Variants in IL7 observed in about 807,000 individuals in gnomAD.
The protein encoded by IL7 is interleukin-7.
A neutral mutation model predicts 21.6 loss-of-function variants in IL7; 3 were observed. That is an observed-to-expected ratio of 0.14 (90% CI 0.06 to 0.36). IL7 has a LOEUF of 0.36. IL7 is among the 10% of genes least tolerant of loss of function. The pLI, the probability that IL7 is intolerant of heterozygous loss-of-function variation, is 1.00. For missense variants in IL7, 175 were observed against 200.2 expected (o/e 0.87, Z 0.76); for synonymous variants, 62 against 68.1 (o/e 0.91, Z 0.44).
At chr8:78,688,014 C>A (rs1212464464) in intron 3 of IL7, among the ~76,000 whole-genome samples, 1 of 147,438 alleles carries the variant, frequency 6.8e-6, no homozygotes, top group Non-Finnish European at 1.5e-5. Flanking sequence ...ATGAGCATGG[C>A]TGTGTTTCCG....
intron 2 of IL7, among the ~76,000 whole-genome samples, chr8:78,769,522 A>G (rs1010404992): frequency 2.5e-4 from 38 of 152,348 alleles, no homozygotes; most frequent in Admixed American, 2.6e-4. Context: ...TCACTGCTCA[A>G]TGAAATAAAA....
In IL7 at chr8:78,684,798, T is replaced by A. The variant is rs568982761; in HGVS notation, n.273+1091A>T. Among the ~76,000 whole-genome samples, 8 of 152,308 alleles carry A rather than the reference T, an allele frequency of 5.3e-5. No homozygotes were observed. In the East Asian group the frequency reaches 1.5e-3, roughly 29 times the overall value. ...ATGAAATATTTAGGAATAAGCTTTA[T>A]AATAAAGATACAAGACTTCCACAAA... On this transcript the variant is annotated intron_variant and non_coding_transcript_variant, in intron 4 of 4. Coordinates refer to the IL7 transcript ENST00000523959.
intron 2 of IL7, among the ~76,000 whole-genome samples, chr8:78,783,609 G>A (rs1002791045): frequency 6.6e-6 from 1 of 151,956 alleles, no homozygotes; most frequent in African/African-American, 2.4e-5. Flanking sequence ...TACAAGCAGC[G>A]ATCTAATTAC....
At chr8:78,783,921 C>G (rs2130814140) in intron 2 of IL7, among the ~76,000 whole-genome samples, 1 of 152,124 alleles carries the variant, frequency 6.6e-6, no homozygotes, top group East Asian at 1.9e-4. Context: ...CTCTAAACAC[C>G]ACCTGGTTAA....
In IL7 at chr8:78,706,717, C is replaced by A. The variant is rs374076136; in HGVS notation, n.214+14631G>T. ...TACTCACCCCTTTTCCTGTTATTTT[C>A]AAGTGTAAGTTATATGTGGCTCACA... On this transcript the variant is annotated intron_variant and non_coding_transcript_variant, in intron 3 of 4. Coordinates refer to the IL7 transcript ENST00000523959. Among the ~76,000 whole-genome samples the A allele has an allele frequency of 4.6e-5, 7 of 152,228 alleles. No individual in the cohort carries two copies. In the East Asian group the frequency reaches 7.7e-4, roughly 17 times the overall value.
intron 2 of IL7, among the ~76,000 whole-genome samples, chr8:78,756,572 C>A (rs1812355512): frequency 6.6e-6 from 1 of 151,788 alleles, no homozygotes; most frequent in South Asian, 2.1e-4. Context: ...GGAATTGATT[C>A]ATTTCCGCTA....
chr8:78,739,903 A>G (rs1811722112), intron 3 of IL7, 99 bp downstream of exon 3: 1 of 1,065,018 alleles, frequency 9.4e-7, no homozygotes. Flanking sequence ...CAGGCTGCAA[A>G]TATTAATAGT....
chr8:78,689,517 G>A, intron 3 of IL7: 4 of 722,836 alleles, frequency 5.5e-6, no homozygotes, highest in East Asian at 3.4e-5. Flanking sequence ...TATAAAAGTT[G>A]TATGCTTTTA....
At position 78,780,384 on chromosome 8, in the gene IL7, C is replaced by T. The variant is rs1033352957; in HGVS notation, c.147+17688G>A. On this transcript the variant is annotated intron_variant, in intron 2 of 5. Transcript: ENST00000263851. ...TGGACATTTAGTTTTATAAATTTCT[C>T]GCTTAACACTGCTGTAGCTGCATTC... Among the ~76,000 whole-genome samples the T allele has an allele frequency of 7.9e-5, 12 of 152,106 alleles. No individual in the cohort carries two copies. The East Asian group carries it at 9.6e-4, about 12-fold the overall frequency.
intron 2 of IL7, among the ~76,000 whole-genome samples, chr8:78,775,613 C>A (rs1249765710): frequency 6.6e-6 from 1 of 152,096 alleles, no homozygotes; most frequent in Non-Finnish European, 1.5e-5. Flanking sequence ...GCCAAAGGGG[C>A]AAAGTGGGGA....
chr8:78,728,961 CTTCAAAG>C (rs1214378293), downstream of IL7, among the ~76,000 whole-genome samples: 3 of 152,014 alleles, frequency 2.0e-5, no homozygotes, highest in African/African-American at 7.2e-5. Flanking sequence ...ATAGACTATA[CTTCAAAG>C]TCTAACATTT....
chr8:78,715,981 A>C (rs1471855207), downstream of IL7, among the ~76,000 whole-genome samples: 5 of 141,560 alleles, frequency 3.5e-5, no homozygotes, highest in African/African-American at 1.3e-4. Flanking sequence ...CAGAGGTTGG[A>C]GTGAGCTGAG....
intron 2 of IL7, among the ~76,000 whole-genome samples, chr8:78,752,837 G>A (rs1213710340): frequency 5.9e-5 from 9 of 152,044 alleles, no homozygotes; most frequent in South Asian, 2.1e-4. Context: ...GAGTGAGAAC[G>A]TGCGGTCTTT....
At chr8:78,800,295 T>C (rs1814008930) in intron 1 of IL7, among the ~76,000 whole-genome samples, 2 of 152,134 alleles carry the variant, frequency 1.3e-5, no homozygotes, top group African/African-American at 4.8e-5. Flanking sequence ...CCACATTTTC[T>C]TTTTTTCTCC....
At chr8:78,727,500 T>A (rs1811358788) in intron 3 of IL7, among the ~76,000 whole-genome samples, 1 of 152,044 alleles carries the variant, frequency 6.6e-6, no homozygotes. Context: ...CAATAACAAG[T>A]ATTTGTTTAC....
chr8:78,693,211 T>G (rs555073318), intron 3 of IL7, among the ~76,000 whole-genome samples: 2 of 152,172 alleles, frequency 1.3e-5, no homozygotes, highest in African/African-American at 4.8e-5. Flanking sequence ...TGTGTCTTTA[T>G]AGCAGCATGA....
intron 3 of IL7, among the ~76,000 whole-genome samples, chr8:78,702,995 C>T (rs1241510446): frequency 1.3e-5 from 2 of 152,102 alleles, no homozygotes; most frequent in African/African-American, 4.8e-5. Flanking sequence ...CTCCTGGGTT[C>T]AAGCGATTCT....
At chr8:78,725,542 A>T (rs1811325423) in intron 3 of IL7, among the ~76,000 whole-genome samples, 1 of 152,012 alleles carries the variant, frequency 6.6e-6, no homozygotes, top group African/African-American at 2.4e-5. Context: ...TTAGACTCGG[A>T]TCTGCTGTTT....
At chr8:78,716,023 G>A (rs1295994885), downstream of IL7, among the ~76,000 whole-genome samples, 1 of 137,608 alleles carries the variant, frequency 7.3e-6, no homozygotes, top group Non-Finnish European at 1.6e-5. Context: ...CTCAGTGACA[G>A]AGCGAGACTC....
Sources: allele counts gnomAD v4.1 joint callset (sites outside exome capture counted in the v4.1 genomes callset), GRCh38; gene constraint gnomAD v4.1.1; transcripts MANE v1.5; gene names NCBI Gene and HGNC (gene_info 2026-07-23, HGNC 2026-07-21).